PID1: variants seen among roughly 807,000 people sequenced by gnomAD.
The protein encoded by PID1 is PTB-containing, cubilin and LRP1-interacting protein.
A neutral mutation model predicts 19.1 loss-of-function variants in PID1; 10 were observed. The observed-to-expected ratio is 0.52, with a 90% confidence interval of 0.32 to 0.89. The LOEUF is 0.89. Ranked by LOEUF, PID1 falls within the 40% of genes least tolerant of loss-of-function variation. The pLI, the probability that PID1 is intolerant of heterozygous loss-of-function variation, is 0.03. For synonymous variants in PID1, 130 were observed against 116.0 expected (o/e 1.12, Z -0.78); for missense variants, 248 against 285.3 (o/e 0.87, Z 0.94).
At chr2:229,227,116 T>C (rs1692095100) in intron 1 of PID1, among the ~76,000 whole-genome samples, 1 of 152,252 alleles carries the variant, frequency 6.6e-6, no homozygotes, top group Admixed American at 6.5e-5. Context: ...TTTGATTTTT[T>C]AATGAAATAA....
chr2:229,068,886 TCA>T, intron 2 of PID1, among the ~76,000 whole-genome samples: 1 of 152,286 alleles, frequency 6.6e-6, no homozygotes, highest in Middle Eastern at 3.4e-3. Context: ...CCAGGACCAA[TCA>T]CTGACCACTG....
chr2:229,161,939 G>A (rs1690500356), intron 1 of PID1, among the ~76,000 whole-genome samples: 1 of 152,340 alleles, frequency 6.6e-6, no homozygotes, highest in African/African-American at 2.4e-5. Context: ...GCACAGGCAA[G>A]TGCAACACAG....
At chr2:229,213,077 G>T (rs916571459) in intron 1 of PID1, among the ~76,000 whole-genome samples, 1 of 152,152 alleles carries the variant, frequency 6.6e-6, no homozygotes, top group African/African-American at 2.4e-5. Flanking sequence ...GAGGTAGCGA[G>T]AAAAATGGAG....
At chr2:229,180,744 G>A (rs1481031389) in intron 1 of PID1, among the ~76,000 whole-genome samples, 1 of 152,182 alleles carries the variant, frequency 6.6e-6, no homozygotes, top group Non-Finnish European at 1.5e-5. Flanking sequence ...CTCAGGATTG[G>A]CGTCTTCGTA....
At chr2:229,244,780 T>C (rs1033760200) in intron 1 of PID1, 7 of 152,116 alleles carry the variant, frequency 4.6e-5, no homozygotes, top group Admixed American at 4.6e-4. Flanking sequence ...CCCATTTCCT[T>C]ATTGAGAGCT....
At chr2:229,124,770 T>C (rs1695588663) in intron 2 of PID1, among the ~76,000 whole-genome samples, 1 of 152,218 alleles carries the variant, frequency 6.6e-6, no homozygotes, top group African/African-American at 2.4e-5. Context: ...GTTCAAATTA[T>C]ATTGTGCTAG....
intron 2 of PID1, among the ~76,000 whole-genome samples, chr2:229,030,955 C>T (rs1415486014): frequency 1.3e-5 from 2 of 152,106 alleles, no homozygotes; most frequent in East Asian, 3.9e-4. Flanking sequence ...CAGTGGCTCA[C>T]ACCTATAATC....
chr2:229,265,462 C>T (rs948130946), intron 1 of PID1, among the ~76,000 whole-genome samples: 2 of 152,236 alleles, frequency 1.3e-5, no homozygotes, highest in African/African-American at 4.8e-5. Context: ...GATGCTTTAT[C>T]ACTGATTAGC....
At chr2:229,214,286 G>A (rs1028393032) in intron 1 of PID1, among the ~76,000 whole-genome samples, 3 of 151,518 alleles carry the variant, frequency 2.0e-5, no homozygotes, top group Non-Finnish European at 4.4e-5. Flanking sequence ...CTTACTTGGG[G>A]GTATTTTCCT....
intron 2 of PID1, among the ~76,000 whole-genome samples, chr2:229,035,119 A>C (rs1693634884): frequency 6.6e-6 from 1 of 152,224 alleles, no homozygotes; most frequent in Non-Finnish European, 1.5e-5. Context: ...GCCCACTCTT[A>C]GGTCAAACAC....
intron 2 of PID1, among the ~76,000 whole-genome samples, chr2:229,143,840 T>C (rs1690069756): frequency 1.3e-5 from 2 of 152,134 alleles, no homozygotes; most frequent in African/African-American, 4.8e-5. Flanking sequence ...CCTTCCGCCA[T>C]GATTTTAAGT....
chr2:229,082,773 G>A (rs926799666), intron 2 of PID1, among the ~76,000 whole-genome samples: 1 of 152,120 alleles, frequency 6.6e-6, no homozygotes, highest in African/African-American at 2.4e-5. Flanking sequence ...TCTTCCATAA[G>A]AGAATACAGC....
chr2:229,025,713 G>A lies in PID1; in HGVS notation c.573C>T (p.His191=), dbSNP rs1693400959. The change falls in exon 3 of 3, where the codon CAC becomes CAT. Residue 191 remains histidine (H), a synonymous_variant. Transcript: ENST00000392055. ...AMMEAFRKTF[H]SMKSDGRIHS... is the part of the protein sequence containing the mutation. Reference sequence around the variant, plus strand: ...GGATCCGCCCGTCGCTCTTCATACTGTGGAAAGTCTTCCTGAAGGCCTCCA... The same window carrying A: ...GGATCCGCCCGTCGCTCTTCATACTATGGAAAGTCTTCCTGAAGGCCTCCA... 1.2e-6 allele frequency: 2 copies of A among 1,614,102 alleles called. No individual in the cohort carries two copies. Among genetic ancestry groups the A allele is most frequent in the Non-Finnish European group, 1.7e-6 (2 of 1,180,036 alleles).
chr2:229,137,405 A>C (rs903448303), intron 2 of PID1, among the ~76,000 whole-genome samples: 1 of 152,214 alleles, frequency 6.6e-6, no homozygotes, highest in African/African-American at 2.4e-5. Flanking sequence ...TTTACCATAA[A>C]ACATATTTAA....
At chr2:229,084,161 C>T (rs1448842395) in intron 2 of PID1, among the ~76,000 whole-genome samples, 1 of 152,092 alleles carries the variant, frequency 6.6e-6, no homozygotes, top group Admixed American at 6.6e-5. Context: ...GAACTATACA[C>T]GAGGAGGTAC....
At chr2:229,253,411 G>T (rs991881850) in intron 1 of PID1, among the ~76,000 whole-genome samples, 1 of 152,172 alleles carries the variant, frequency 6.6e-6, no homozygotes, top group South Asian at 2.1e-4. Context: ...AAAATCTTAA[G>T]ATTTATAGGA....
At position 229,157,409 on chromosome 2, in the gene PID1, G is replaced by A. The variant is rs149807806; in HGVS notation, c.31-1445C>T. On this transcript the variant is annotated intron_variant, in intron 1 of 2. Coordinates refer to ENST00000392055, the MANE Select transcript of PID1 (RefSeq NM_001100818.2). ...CACACCACTGTACTCCAGCCTGGGC[G>A]ATAAGAGCAAGATTCCATCTCAAAA... Among the ~76,000 whole-genome samples the A allele has an allele frequency of 1.6e-3, 232 of 145,826 alleles. 1 individual carries two copies. Among genetic ancestry groups the A allele is most frequent in the African/African-American group, 5.5e-3 (212 of 38,752 alleles).
At chr2:229,119,387 C>A (rs1695473445) in intron 2 of PID1, among the ~76,000 whole-genome samples, 1 of 152,176 alleles carries the variant, frequency 6.6e-6, no homozygotes, top group Non-Finnish European at 1.5e-5. Flanking sequence ...TCTCCAGTAA[C>A]AATGGACAAT....
At chr2:229,183,130 T>C (rs12466980) in intron 1 of PID1, among the ~76,000 whole-genome samples, 16,200 of 152,226 alleles carry the variant, frequency 0.11, 1,031 homozygotes, top group South Asian at 0.25. Flanking sequence ...GACTTCTGTC[T>C]TTATGAGAAG....
Sources: allele counts gnomAD v4.1 joint callset (sites outside exome capture counted in the v4.1 genomes callset), GRCh38; gene constraint gnomAD v4.1.1; transcripts MANE v1.5; gene names NCBI Gene and HGNC (gene_info 2026-07-23, HGNC 2026-07-21).